Variants in TMTC1 observed in about 807,000 individuals in gnomAD.
TMTC1 encodes the protein protein O-mannosyl-transferase TMTC1.
In TMTC1, 73 loss-of-function variants were observed where a neutral mutation model predicts 104.8. The observed-to-expected ratio is 0.70, with a 90% CI of 0.58 to 0.85. TMTC1 has a LOEUF of 0.85. Ranked by LOEUF, TMTC1 falls within the 40% of genes least tolerant of loss-of-function variation. TMTC1 has a pLI of 0.00. For missense variants in TMTC1, 1,035 were observed against 1,096.1 expected, an observed-to-expected ratio of 0.94 and a Z score of 0.79; for synonymous variants, 434 against 428.7, an observed-to-expected ratio of 1.01 and a Z score of -0.15.
chr12:29,761,317 ACC>A (rs1943343774), intron 2 of TMTC1, among the ~76,000 whole-genome samples: 2 of 151,766 alleles, frequency 1.3e-5, no homozygotes, highest in Non-Finnish European at 2.9e-5. Flanking sequence ...GAATTGTGCA[ACC>A]TACTGTCAAA....
At chr12:29,601,563 T>C (rs930027994) in intron 7 of TMTC1, among the ~76,000 whole-genome samples, 1 of 151,324 alleles carries the variant, frequency 6.6e-6, no homozygotes, top group Non-Finnish European at 1.5e-5. Context: ...TATTTTGTAA[T>C]TGAGAAGAAT....
intron 2 of TMTC1, among the ~76,000 whole-genome samples, chr12:29,761,834 A>G (rs1290856694): frequency 1.3e-5 from 2 of 152,198 alleles, no homozygotes; most frequent in African/African-American, 4.8e-5. Flanking sequence ...TATACCTATA[A>G]GCATCCTGAT....
chr12:29,542,913 T>C (rs192757741), intron 10 of TMTC1, among the ~76,000 whole-genome samples: 1 of 152,256 alleles, frequency 6.6e-6, no homozygotes, highest in East Asian at 1.9e-4. Flanking sequence ...GTGAATATCC[T>C]TGATTGCATA....
chr12:29,677,330 A>G (rs931146000), intron 5 of TMTC1, among the ~76,000 whole-genome samples: 2 of 152,156 alleles, frequency 1.3e-5, no homozygotes, highest in African/African-American at 2.4e-5. Context: ...AACAGGACCA[A>G]TGGGCCTACT....
At chr12:29,613,025 C>T (rs957814419) in intron 6 of TMTC1, among the ~76,000 whole-genome samples, 1 of 152,176 alleles carries the variant, frequency 6.6e-6, no homozygotes, top group Non-Finnish European at 1.5e-5. Context: ...AATCTACACA[C>T]ATTCTTAACT....
At position 29,595,241 on chromosome 12, in the gene TMTC1, T is replaced by C. The variant is rs190813706; in HGVS notation, c.1250+8937A>G. 3.9e-5 allele frequency among the ~76,000 whole-genome samples: 6 copies of C among 152,302 alleles called. No individual in the cohort carries two copies. The East Asian group carries it at 1.2e-3, about 29-fold the overall frequency. ...GGTAATATTAAGGGCAGAATTCCAG[T>C]CCAATAATTTACTGTTCAGACTTCT... is the stretch of plus-strand genomic sequence containing the variant. On this transcript the variant is annotated intron_variant, in intron 7 of 17. Transcript: ENST00000539277.
intron 5 of TMTC1, among the ~76,000 whole-genome samples, chr12:29,738,427 C>T (rs1309810465): frequency 6.6e-6 from 1 of 152,182 alleles, no homozygotes; most frequent in African/African-American, 2.4e-5. Flanking sequence ...AAGAGTCTGG[C>T]CAAAGTGAAT....
At chr12:29,629,478 G>A (rs778537029) in intron 6 of TMTC1, among the ~76,000 whole-genome samples, 2 of 152,164 alleles carry the variant, frequency 1.3e-5, no homozygotes, top group Non-Finnish European at 2.9e-5. Context: ...CTACCACAGA[G>A]GGCACTTGTA....
intron 10 of TMTC1, 133 bp downstream of exon 10, chr12:29,556,724 C>T (rs1172899278): frequency 2.8e-6 from 3 of 1,088,580 alleles, no homozygotes; most frequent in Non-Finnish European, 3.9e-6. Context: ...ATGTTACACC[C>T]TCCCAAAGTC....
chr12:29,733,069 A>T (rs1329248912), intron 5 of TMTC1, among the ~76,000 whole-genome samples: 1 of 152,288 alleles, frequency 6.6e-6, no homozygotes, highest in East Asian at 1.9e-4. Context: ...TAGTGACTGC[A>T]TGTGTTACTT....
Position 29,583,422 on chromosome 12 carries a change from C to G in TMTC1, c.1403G>C (p.Arg468Thr). The change falls in exon 8 of 18, where the codon AGA (arginine) becomes ACA (threonine). Residue 468 changes from arginine to threonine, a missense_variant. Transcript: ENST00000539277. ...CTAGTCATACCTGAATAGGGACTCT[C>G]TTGACAGCCAAATTTCATTCTGTTT... ...TVKQNEIWLS[R>T]ESLFRSGVQT... The G allele has an allele frequency of 6.2e-7, 1 of 1,613,918 alleles. No homozygotes were observed. Among genetic ancestry groups the G allele is most frequent in the Non-Finnish European group, 8.5e-7 (1 of 1,179,860 alleles).
chr12:29,642,221 A>C (rs1400085021), intron 5 of TMTC1, among the ~76,000 whole-genome samples: 1 of 152,204 alleles, frequency 6.6e-6, no homozygotes, highest in Non-Finnish European at 1.5e-5. Flanking sequence ...TAGACATCCA[A>C]ACACAAGAAG....
intron 2 of TMTC1, among the ~76,000 whole-genome samples, chr12:29,762,229 T>A (rs780891018): frequency 6.6e-6 from 1 of 152,176 alleles, no homozygotes; most frequent in African/African-American, 2.4e-5. Context: ...AAGGTCTGAA[T>A]GTAGACTGCT....
intron 9 of TMTC1, among the ~76,000 whole-genome samples, chr12:29,564,081 C>G (rs1945447415): frequency 6.6e-6 from 1 of 152,058 alleles, no homozygotes; most frequent in Admixed American, 6.6e-5. Flanking sequence ...GGAGAGAAAG[C>G]AAAACCAAAC....
At chr12:29,556,706 T>C in intron 10 of TMTC1, 151 bp downstream of exon 10, 1 of 797,544 alleles carries the variant, frequency 1.3e-6, no homozygotes, top group Non-Finnish European at 1.9e-6. Flanking sequence ...GAAAAGAAAT[T>C]GAGATGCATG....
chr12:29,735,672 C>T lies in TMTC1; in HGVS notation c.938+15994G>A, dbSNP rs190541167. On this transcript the variant is annotated intron_variant, in intron 5 of 17. Transcript: ENST00000539277. ...ACTCTAGCATCAATGTTGACAGGCA[C>T]GGAAGGAAGACTGCATTTTTAACTT... is the stretch of plus-strand genomic sequence containing the variant. Among the ~76,000 whole-genome samples the T allele has an allele frequency of 4.6e-5, 7 of 152,228 alleles. No individual in the cohort carries two copies. In the East Asian group the frequency reaches 5.8e-4, roughly 13 times the overall value.
intron 5 of TMTC1, among the ~76,000 whole-genome samples, chr12:29,710,577 A>C (rs1010049676): frequency 6.9e-5 from 10 of 144,156 alleles, no homozygotes; most frequent in Non-Finnish European, 1.5e-4. Flanking sequence ...TATATAATGT[A>C]TATATATTTA....
intron 8 of TMTC1, among the ~76,000 whole-genome samples, chr12:29,580,485 A>G (rs1457689510): frequency 6.6e-6 from 1 of 152,182 alleles, no homozygotes; most frequent in East Asian, 1.9e-4. Context: ...ACAAAGTTCT[A>G]TCTTAAGATA....
chr12:29,581,860 T>G (rs1170947393), intron 8 of TMTC1, among the ~76,000 whole-genome samples: 1 of 152,138 alleles, frequency 6.6e-6, no homozygotes, highest in African/African-American at 2.4e-5. Context: ...TTAGTTAGCA[T>G]GAGGCAGAAG....
Sources: gnomAD v4.1 joint callset for allele counts (sites outside exome capture counted in the v4.1 genomes callset) on GRCh38, gnomAD v4.1.1 for gene constraint, MANE v1.5 for transcripts, NCBI Gene and HGNC (gene_info 2026-07-23, HGNC 2026-07-21) for gene names.